The following TYW1B variants were observed in gnomAD, a reference collection of about 807,000 sequenced individuals.
The protein encoded by TYW1B is tRNA-yW synthesizing protein 1 homolog B, also known as S-adenosyl-L-methionine-dependent tRNA 4-demethylwyosine synthase TYW1B.
Under a neutral mutation model 86.9 loss-of-function variants are expected in TYW1B, and 73 were observed. The ratio of observed to expected loss-of-function variants is 0.84; its 90% CI spans 0.70 to 1.02. The LOEUF (loss-of-function observed/expected upper bound fraction) is 1.02, where lower values mean the gene tolerates loss of function less well. TYW1B is among the 50% of genes least tolerant of loss of function. The pLI is 0.00. For missense variants in TYW1B, 637 were observed against 827.4 expected (o/e 0.77, Z 2.82); for synonymous variants, 248 against 292.8 (o/e 0.85, Z 1.56).
chr7:72,726,369 TG>T (rs1294566167), intron 9 of TYW1B, among the ~76,000 whole-genome samples: 1,817 of 147,914 alleles, frequency 0.012, 36 homozygotes, highest in African/African-American at 0.035. Flanking sequence ...TAATTTTTTT[TG>T]TTTTTTTTGA....
At chr7:72,732,964 C>A (rs1226808021) in intron 8 of TYW1B, among the ~76,000 whole-genome samples, 2 of 151,874 alleles carry the variant, frequency 1.3e-5, no homozygotes, top group Non-Finnish European at 2.9e-5. Context: ...CTGTTATAAC[C>A]AACTGTACAC....
intron 10 of TYW1B, among the ~76,000 whole-genome samples, chr7:72,703,013 TATATATATATATA>T (rs1328457814): frequency 0.095 from 3,733 of 39,328 alleles, 221 homozygotes; most frequent in African/African-American, 0.16. Context: ...TATATATATA[TATATATATATATA>T]TTTTTTTTTT....
At chr7:72,676,049 G>A (rs1157323669) in intron 11 of TYW1B, among the ~76,000 whole-genome samples, 3 of 152,108 alleles carry the variant, frequency 2.0e-5, no homozygotes, top group South Asian at 2.1e-4. Flanking sequence ...TTCTGGAAAC[G>A]GTTATGGTTA....
chr7:72,772,828 T>C (rs3015873), intron 7 of TYW1B, among the ~76,000 whole-genome samples: 10 of 152,188 alleles, frequency 6.6e-5, no homozygotes, highest in Non-Finnish European at 1.5e-5. Flanking sequence ...TGGTTAAACA[T>C]CCATATTCAC....
chr7:72,739,277 G>A (rs1187963274), intron 8 of TYW1B, among the ~76,000 whole-genome samples: 6 of 151,974 alleles, frequency 3.9e-5, no homozygotes, highest in Admixed American at 1.3e-4. Context: ...CTCTGCTTAC[G>A]TTAAAAAAAC....
chr7:72,601,194 C>G (rs1811657088), intron 13 of TYW1B, among the ~76,000 whole-genome samples: 1 of 151,364 alleles, frequency 6.6e-6, no homozygotes, highest in Non-Finnish European at 1.5e-5. Context: ...AAAATGGGCA[C>G]AAGATCTGAG....
intron 7 of TYW1B, among the ~76,000 whole-genome samples, chr7:72,746,399 C>A (rs1187874330): frequency 6.6e-6 from 1 of 152,250 alleles, no homozygotes; most frequent in East Asian, 1.9e-4. Flanking sequence ...CCGAAATGTC[C>A]AACAAATGCT....
chr7:72,647,549 C>G (rs1221761717), intron 11 of TYW1B, among the ~76,000 whole-genome samples: 1 of 152,154 alleles, frequency 6.6e-6, no homozygotes, highest in Non-Finnish European at 1.5e-5. Flanking sequence ...GGTCACGAAA[C>G]CCAACATATC....
intron 1 of TYW1B, among the ~76,000 whole-genome samples, chr7:72,827,303 G>C (rs1788951011): frequency 1.3e-5 from 2 of 152,306 alleles, no homozygotes; most frequent in Middle Eastern, 3.4e-3. Context: ...AGCTACTCGG[G>C]AGGCTGAGGC....
intron 11 of TYW1B, among the ~76,000 whole-genome samples, chr7:72,688,591 C>T (rs1221367671): frequency 1.3e-5 from 2 of 152,198 alleles, no homozygotes; most frequent in African/African-American, 4.8e-5. Context: ...ACGTTGAAAG[C>T]TTCAACACTT....
At chr7:72,698,645 C>CAA (rs782639827) in intron 10 of TYW1B, among the ~76,000 whole-genome samples, 3 of 129,898 alleles carry the variant, frequency 2.3e-5, no homozygotes, top group African/African-American at 5.8e-5. Flanking sequence ...GACTCCATCT[C>CAA]AAAAAAAAAA....
At chr7:72,726,982 A>C (rs1388650573) in intron 9 of TYW1B, among the ~76,000 whole-genome samples, 1 of 152,148 alleles carries the variant, frequency 6.6e-6, no homozygotes, top group Admixed American at 6.6e-5. Flanking sequence ...AGATCTCGTG[A>C]GAACTCACTC....
chr7:72,617,412 A>G (rs2960929), intron 12 of TYW1B, among the ~76,000 whole-genome samples: 68,523 of 151,890 alleles, frequency 0.45, 17,502 homozygotes, highest in African/African-American at 0.7. Flanking sequence ...CTGTCACCTA[A>G]GCTGGAGTGC....
intron 12 of TYW1B, among the ~76,000 whole-genome samples, chr7:72,624,553 T>A (rs1483381984): frequency 6.6e-6 from 1 of 152,230 alleles, no homozygotes; most frequent in Non-Finnish European, 1.5e-5. Context: ...CTTTTGCGAC[T>A]ACAGCATCCA....
chr7:72,742,857 T>C (rs1787329648), intron 8 of TYW1B, among the ~76,000 whole-genome samples: 1 of 152,136 alleles, frequency 6.6e-6, no homozygotes, highest in South Asian at 2.1e-4. Context: ...AGAGATGACA[T>C]TGACTAGAAA....
At chr7:72,705,836 G>C (rs533802641) in intron 10 of TYW1B, among the ~76,000 whole-genome samples, 1 of 152,252 alleles carries the variant, frequency 6.6e-6, no homozygotes. Flanking sequence ...CAACTTCCTT[G>C]CCTTACAACA....
chr7:72,768,133 G>A (rs1787803207), intron 7 of TYW1B, among the ~76,000 whole-genome samples: 1 of 151,696 alleles, frequency 6.6e-6, no homozygotes, highest in African/African-American at 2.4e-5. Context: ...CACACTACTT[G>A]GGAGGCTGAG....
chr7:72,743,148 A>G (rs1440962548), intron 8 of TYW1B, among the ~76,000 whole-genome samples: 7 of 152,254 alleles, frequency 4.6e-5, no homozygotes, highest in Non-Finnish European at 8.8e-5. Context: ...TTCAGAAAAG[A>G]GACTGAGACT....
chr7:72,729,880 C>T (rs538299382), intron 8 of TYW1B, among the ~76,000 whole-genome samples: 99 of 152,296 alleles, frequency 6.5e-4, no homozygotes, highest in Non-Finnish European at 1.2e-3. Context: ...AGCCCAGCAA[C>T]ACCGACCCTA....
Sources: allele counts gnomAD v4.1 joint callset (sites outside exome capture counted in the v4.1 genomes callset), GRCh38; gene constraint gnomAD v4.1.1; transcripts MANE v1.5; gene names NCBI Gene and HGNC (gene_info 2026-07-23, HGNC 2026-07-21).